The following EIF4B variants were observed in gnomAD, a reference collection of about 807,000 sequenced individuals.
EIF4B encodes the protein eukaryotic translation initiation factor 4B.
Under a neutral mutation model 79.3 loss-of-function variants are expected in EIF4B, and 8 were observed. The ratio of observed to expected loss-of-function variants is 0.10; its 90% CI spans 0.06 to 0.18. EIF4B has a LOEUF of 0.18. EIF4B is among the 10% of genes least tolerant of loss of function. The pLI is 1.00. For synonymous variants in EIF4B, 238 were observed against 274.7 expected (o/e 0.87, Z 1.32); for missense variants, 515 against 792.4 (o/e 0.65, Z 4.20).
intron 10 of EIF4B, among the ~76,000 whole-genome samples, chr12:53,035,583 T>A (rs1034282681): frequency 6.6e-6 from 1 of 152,000 alleles, no homozygotes; most frequent in Non-Finnish European, 1.5e-5. Context: ...TTAGCCAGGA[T>A]GGTCTCAATC....
chr12:53,024,318 C>T (rs1943299157), intron 6 of EIF4B, among the ~76,000 whole-genome samples: 1 of 137,894 alleles, frequency 7.3e-6, no homozygotes, highest in Non-Finnish European at 1.7e-5. Flanking sequence ...AATAGCATAA[C>T]AACAGGGATA....
At position 53,036,319 on chromosome 12, in the gene EIF4B, G is replaced by A. The variant is rs375639744; in HGVS notation, c.1307-1090G>A. ...AGTAAAGACGGGGTTTCACCATGTT[G>A]GCCAGGATTGTCTCCATCTCTTGAT... On this transcript the variant is annotated intron_variant, in intron 10 of 14. Transcript: ENST00000262056. Among the ~76,000 whole-genome samples, 7 of 152,102 alleles carry A rather than the reference G, an allele frequency of 4.6e-5. No individual in the cohort carries two copies. In the East Asian group the frequency reaches 9.7e-4, roughly 21 times the overall value.
intron 8 of EIF4B, among the ~76,000 whole-genome samples, chr12:53,032,669 G>GTTT (rs779279397): frequency 5.3e-5 from 7 of 132,274 alleles, no homozygotes; most frequent in East Asian, 2.1e-4. Flanking sequence ...GGGTTTTTTT[G>GTTT]TTTTTTTTTT....
chr12:53,019,557 G>A (rs968948314), intron 3 of EIF4B, among the ~76,000 whole-genome samples: 7 of 142,482 alleles, frequency 4.9e-5, no homozygotes, highest in Non-Finnish European at 1.1e-4. Flanking sequence ...GTAGAGATAG[G>A]GTTGCACTAT....
At chr12:53,036,082 CCTT>C (rs58776445) in intron 10 of EIF4B, among the ~76,000 whole-genome samples, 120,277 of 150,560 alleles carry the variant, frequency 0.8, 50,300 homozygotes, top group Non-Finnish European at 0.93. Flanking sequence ...CCATGCCTGG[CCTT>C]CTATTTTTTT....
chr12:53,026,822 C>CA (rs1181825848), intron 6 of EIF4B, among the ~76,000 whole-genome samples: 1 of 152,110 alleles, frequency 6.6e-6, no homozygotes, highest in African/African-American at 2.4e-5. Context: ...AGGCTGGTCT[C>CA]AAACCCCTGA....
At chr12:53,022,961 T>TAAC (rs1943271636) in intron 6 of EIF4B, among the ~76,000 whole-genome samples, 5 of 152,106 alleles carry the variant, frequency 3.3e-5, no homozygotes, top group Admixed American at 2.0e-4. Context: ...GCCAGGAGTT[T>TAAC]GAGAGCAGCC....
chr12:53,032,151 TAG>T (rs1475967825), intron 8 of EIF4B, among the ~76,000 whole-genome samples: 1 of 152,124 alleles, frequency 6.6e-6, no homozygotes, highest in Admixed American at 6.6e-5. Flanking sequence ...GTATAAGATC[TAG>T]AGTCTTCCTG....
At chr12:53,027,747 A>G in intron 6 of EIF4B, 35 bp from the exon 7 acceptor site, 2 of 1,596,274 alleles carry the variant, frequency 1.3e-6, no homozygotes, top group South Asian at 1.1e-5. Context: ...GGTGTCAGAG[A>G]AAAGGGGATG....
At chr12:53,036,407 C>T (rs899677870) in intron 10 of EIF4B, among the ~76,000 whole-genome samples, 17 of 151,902 alleles carry the variant, frequency 1.1e-4, no homozygotes, top group African/African-American at 2.4e-4. Context: ...CCGCCGTGCC[C>T]GGCCTAGTTT....
Position 53,033,894 on chromosome 12 carries a change from A to G in EIF4B, c.1068A>G (p.Arg356=). The G allele has an allele frequency of 1.2e-6, 2 of 1,614,116 alleles. No individual in the cohort carries two copies. ...DSSASTSQST[R]AASIFGGAKP... is the part of the protein sequence containing the mutation. ...CTGCTAGTACCTCCCAGTCCACTCG[A>G]GCTGCTTCTATCTTTGGAGGGGCAA... The change falls in exon 9 of 15, where the codon CGA becomes CGG. Residue 356 remains arginine (R), a synonymous_variant. Transcript: ENST00000262056.
chr12:53,007,711 T>C (rs1319900019), intron 1 of EIF4B, among the ~76,000 whole-genome samples: 2 of 152,236 alleles, frequency 1.3e-5, no homozygotes, highest in Admixed American at 1.3e-4. Context: ...GCTCATTTCT[T>C]ACCTAGTAAT....
At chr12:53,027,482 TG>T (rs1943356933) in intron 6 of EIF4B, among the ~76,000 whole-genome samples, 1 of 152,110 alleles carries the variant, frequency 6.6e-6, no homozygotes, top group African/African-American at 2.4e-5. Flanking sequence ...GGATCAAACA[TG>T]GGAGATTCCC....
At position 53,019,136 on chromosome 12, in the gene EIF4B, C is replaced by T. The variant is rs534772027; in HGVS notation, c.360+130C>T. On this transcript the variant is annotated intron_variant, in intron 3 of 14. Transcript: ENST00000262056. ...ATTTAAGGCCGGGAATGGTGGCTCA[C>T]GCCTGTAATCCCAGCACTCTGGGAG... is the stretch of plus-strand genomic sequence containing the variant. 4.0e-5 allele frequency: 45 copies of T among 1,119,174 alleles called. 1 individual carries two copies. The highest frequency in any genetic ancestry group is 3.0e-4 in the African/African-American group (19 of 64,150). 69.3% of individuals were successfully genotyped at this position (1,119,174 alleles called of 1,614,324 possible).
intron 4 of EIF4B, 140 bp from the exon 5 acceptor site, chr12:53,021,665 AT>A: frequency 1.0e-6 from 1 of 969,232 alleles, no homozygotes; most frequent in Non-Finnish European, 1.7e-6. Context: ...TAGCCCACAA[AT>A]TGGAGTGTTA....
Position 53,037,487 on chromosome 12 carries a change from C to G in EIF4B, c.1385C>G (p.Ser462Cys). The stretch of plus-strand genomic sequence containing the variant: ...GAGGAAGATTGCCACTCTCCAACTT[C>G]TAAACCTCCCAAACCTGATCAGCCC... ...NKEEDCHSPT[S>C]KPPKPDQPLK... The change falls in exon 11 of 15, where the codon TCT becomes TGT. Residue 462 changes from serine (S) to cysteine (C), a missense_variant. Ser to Cys is a moderately radical substitution (Grantham distance 112). Around this residue, in one of 6 missense-constraint regions of EIF4B, gnomAD observed 146 missense variants for 228.0 expected, o/e 0.64. Transcript: ENST00000262056. 6.2e-7 allele frequency: 1 copy of G among 1,613,786 alleles called. No homozygotes were observed. Among genetic ancestry groups the G allele is most frequent in the South Asian group, 1.1e-5 (1 of 91,054 alleles).
chr12:53,034,439 G>T (rs1419830011), intron 9 of EIF4B, among the ~76,000 whole-genome samples, 173 bp from the exon 10 acceptor site: 1 of 152,118 alleles, frequency 6.6e-6, no homozygotes, highest in African/African-American at 2.4e-5. Flanking sequence ...AAGTATTTAG[G>T]GCCAAAGTGT....
intron 3 of EIF4B, among the ~76,000 whole-genome samples, chr12:53,019,435 A>ATTTTTT (rs759250282): frequency 2.3e-4 from 9 of 39,462 alleles, no homozygotes; most frequent in Admixed American, 6.7e-4. Context: ...ATATATATAT[A>ATTTTTT]TATTTTTTTT....
At chr12:53,024,781 G>A (rs1324189665) in intron 6 of EIF4B, among the ~76,000 whole-genome samples, 3 of 152,212 alleles carry the variant, frequency 2.0e-5, no homozygotes, top group African/African-American at 4.8e-5. Context: ...TCAGCCTCCT[G>A]AGTAGCTGGG....
Sources: gnomAD v4.1 joint callset for allele counts (sites outside exome capture counted in the v4.1 genomes callset) on GRCh38, gnomAD v4.1.1 for gene constraint, gnomAD v4.1.1 regional missense constraint, MANE v1.5 for transcripts, NCBI Gene and HGNC (gene_info 2026-07-23, HGNC 2026-07-21) for gene names.